Variants in DHX29 observed in about 807,000 individuals in gnomAD.
The protein encoded by DHX29 is ATP-dependent RNA helicase DHX29.
DHX29 carries 79 observed loss-of-function variants against 167.9 expected under a neutral mutation model. The observed-to-expected ratio is 0.47, with a 90% confidence interval of 0.39 to 0.57. The LOEUF is 0.57. Ranked by LOEUF, DHX29 falls within the 20% of genes least tolerant of loss-of-function variation. The pLI is 0.00. For missense variants in DHX29, 1,347 were observed against 1,593.4 expected (o/e 0.85, Z 2.63); for synonymous variants, 530 against 546.0 (o/e 0.97, Z 0.41).
At chr5:55,282,836 C>T (rs1747503223) in intron 11 of DHX29, among the ~76,000 whole-genome samples, 1 of 152,028 alleles carries the variant, frequency 6.6e-6, no homozygotes, top group Admixed American at 6.5e-5. Flanking sequence ...GAAAATCATT[C>T]AGGAATATAT....
intron 21 of DHX29, among the ~76,000 whole-genome samples, chr5:55,269,025 A>T (rs1487731595): frequency 6.6e-6 from 1 of 151,888 alleles, no homozygotes; most frequent in Non-Finnish European, 1.5e-5. Context: ...AAAAAGTTAA[A>T]TATTATATTA....
At chr5:55,301,978 G>C (rs1194159139) in intron 1 of DHX29, among the ~76,000 whole-genome samples, 1 of 152,088 alleles carries the variant, frequency 6.6e-6, no homozygotes, top group Non-Finnish European at 1.5e-5. Context: ...TTGTACATCT[G>C]GGCAGTCTGA....
intron 26 of DHX29, among the ~76,000 whole-genome samples, chr5:55,257,369 GAA>G (rs947055625): frequency 2.6e-5 from 4 of 152,244 alleles, no homozygotes; most frequent in African/African-American, 9.6e-5. Context: ...GGAGGGAGGG[GAA>G]AAAGAGAGGT....
intron 6 of DHX29, among the ~76,000 whole-genome samples, chr5:55,292,870 C>T (rs188908927): frequency 6.6e-6 from 1 of 152,238 alleles, no homozygotes; most frequent in Non-Finnish European, 1.5e-5. Flanking sequence ...TGACTTAATG[C>T]TCCAATCAGA....
At chr5:55,274,348 C>T (rs966718478) in intron 16 of DHX29, among the ~76,000 whole-genome samples, 17 of 152,028 alleles carry the variant, frequency 1.1e-4, no homozygotes, top group African/African-American at 3.6e-4. Context: ...AAGGTGCAAT[C>T]GTGCCACTAC....
chr5:55,304,397 C>T (rs1226173099), intron 1 of DHX29, among the ~76,000 whole-genome samples: 4 of 151,002 alleles, frequency 2.6e-5, no homozygotes, highest in African/African-American at 9.8e-5. Context: ...CTGCAAGCTC[C>T]GCCTCCCGGG....
chr5:55,281,622 T>C, intron 11 of DHX29, 107 bp from the exon 12 acceptor site: 2 of 677,270 alleles, frequency 3.0e-6, no homozygotes, highest in East Asian at 3.0e-5. Context: ...TGGAGCATTG[T>C]AAGTAATCTA....
intron 6 of DHX29, among the ~76,000 whole-genome samples, chr5:55,292,711 C>T (rs1561164400): frequency 6.6e-6 from 1 of 152,136 alleles, no homozygotes; most frequent in African/African-American, 2.4e-5. Context: ...TCTATATATG[C>T]TCATCCATTT....
intron 24 of DHX29, 93 bp downstream of exon 24, chr5:55,262,537 C>T (rs953254084): frequency 1.8e-5 from 26 of 1,450,226 alleles, no homozygotes; most frequent in African/African-American, 2.8e-5. Flanking sequence ...AATTTGAGAA[C>T]CAAATAAAAT....
chr5:55,291,251 G>A (rs543041936), intron 6 of DHX29, among the ~76,000 whole-genome samples: 85 of 152,220 alleles, frequency 5.6e-4, no homozygotes, highest in Non-Finnish European at 1.0e-3. Context: ...AGGTTAATAA[G>A]TGACAGCAGA....
At chr5:55,269,304 G>A in intron 21 of DHX29, 109 bp downstream of exon 21, 1 of 884,696 alleles carries the variant, frequency 1.1e-6, no homozygotes. Flanking sequence ...TGTTCGTATA[G>A]ACATTCTATT....
At chr5:55,257,299 G>T (rs1746099784) in intron 26 of DHX29, among the ~76,000 whole-genome samples, 1 of 152,200 alleles carries the variant, frequency 6.6e-6, no homozygotes, top group African/African-American at 2.4e-5. Context: ...CTCAGAGAAT[G>T]CTGTCGCTTT....
intron 24 of DHX29, among the ~76,000 whole-genome samples, chr5:55,262,369 A>G (rs1247542196): frequency 6.6e-6 from 1 of 152,186 alleles, no homozygotes; most frequent in Non-Finnish European, 1.5e-5. Flanking sequence ...TACATTATTA[A>G]CCAACATCAA....
Position 55,276,288 on chromosome 5 carries a change from G to T in DHX29, c.2405C>A (p.Ala802Glu). ...TACCTGATATTTTTTTATTCCCCCT[G>T]CTTTGCTTGTAACATTAATGGTTAC... The part of the protein sequence containing the change: ...EEVTINVTSK[A>E]GGIKKYQEYI... The change falls in exon 14 of 27, where the codon GCA (alanine) becomes GAA (glutamate). Residue 802 changes from alanine (A) to glutamate (E), a missense_variant. Transcript: ENST00000251636. 6.3e-7 allele frequency: 1 copy of T among 1,584,448 alleles called. No individual in the cohort carries two copies. The highest frequency in any genetic ancestry group is 2.3e-5 in the East Asian group (1 of 44,106).
chr5:55,273,418 T>A, intron 16 of DHX29, 41 bp from the exon 17 acceptor site: 1 of 1,487,336 alleles, frequency 6.7e-7, no homozygotes, highest in Non-Finnish European at 9.0e-7. Context: ...AGTTTCTCTT[T>A]AGAAGACACT....
At chr5:55,277,765 G>T (rs1244058201) in intron 12 of DHX29, among the ~76,000 whole-genome samples, 1 of 151,954 alleles carries the variant, frequency 6.6e-6, no homozygotes, top group Non-Finnish European at 1.5e-5. Flanking sequence ...AATTAGCCGG[G>T]TATGGTGGTG....
intron 20 of DHX29, 86 bp downstream of exon 20, chr5:55,270,326 A>G: frequency 7.2e-7 from 1 of 1,394,052 alleles, no homozygotes; most frequent in Admixed American, 2.8e-5. Context: ...AATCTAAAGC[A>G]ATATAAGGTA....
intron 21 of DHX29, 80 bp downstream of exon 21, chr5:55,269,333 C>CT: frequency 7.2e-7 from 1 of 1,394,764 alleles, no homozygotes. Context: ...AAAATTTTTA[C>CT]TTAACAATTG....
At position 55,298,699 on chromosome 5, in the gene DHX29, T is replaced by C. The variant is rs373998015; in HGVS notation, c.188-35A>G. The C allele has an allele frequency of 7.0e-6, 7 of 1,006,476 alleles. No individual in the cohort carries two copies. In the African/African-American group the frequency reaches 1.1e-4, roughly 16 times the overall value. 62.3% of individuals were successfully genotyped at this position (1,006,476 alleles called of 1,614,324 possible). On this transcript the variant is annotated intron_variant, in intron 1 of 26. Transcript: ENST00000251636. Reference sequence around the variant, plus strand: ...CAAATAGACAAGGCAATTTAATGATTAATATCTATTACATTATTTTAATTT... The same window carrying C: ...CAAATAGACAAGGCAATTTAATGATCAATATCTATTACATTATTTTAATTT...
Sources: gnomAD v4.1 joint callset for allele counts (sites outside exome capture counted in the v4.1 genomes callset) on GRCh38, gnomAD v4.1.1 for gene constraint, MANE v1.5 for transcripts, NCBI Gene and HGNC (gene_info 2026-07-23, HGNC 2026-07-21) for gene names.